UNC5D: variants seen among roughly 807,000 people sequenced by gnomAD.
UNC5D encodes netrin receptor UNC5D.
Under a neutral mutation model 105.4 loss-of-function variants are expected in UNC5D, and 39 were observed. That is an observed-to-expected ratio of 0.37 (90% CI 0.29 to 0.48). UNC5D has a LOEUF of 0.48. Among genes scored for constraint, UNC5D ranks in the 20% least tolerant of loss-of-function variants. UNC5D has a pLI of 0.98. For synonymous variants in UNC5D, 452 were observed against 450.4 expected, an observed-to-expected ratio of 1.00 and a Z score of -0.04; for missense variants, 991 against 1,202.4, an observed-to-expected ratio of 0.82 and a Z score of 2.60.
chr8:35,346,184 A>G (rs1811796714), intron 1 of UNC5D, among the ~76,000 whole-genome samples: 1 of 151,986 alleles, frequency 6.6e-6, no homozygotes, highest in Non-Finnish European at 1.5e-5. Context: ...TATCATGATT[A>G]TTTAAACAGT....
At chr8:35,559,111 C>A (rs1816775852) in intron 2 of UNC5D, among the ~76,000 whole-genome samples, 2 of 151,906 alleles carry the variant, frequency 1.3e-5, no homozygotes, top group Non-Finnish European at 2.9e-5. Flanking sequence ...ACTTTGTCTA[C>A]AAAAAATGGA....
At chr8:35,394,899 G>A (rs1171174766) in intron 1 of UNC5D, among the ~76,000 whole-genome samples, 2 of 152,192 alleles carry the variant, frequency 1.3e-5, no homozygotes, top group East Asian at 3.8e-4. Flanking sequence ...AATGGAAATA[G>A]TGTTTCATAC....
chr8:35,713,953 G>T (rs1317227902), intron 8 of UNC5D, among the ~76,000 whole-genome samples: 1 of 152,252 alleles, frequency 6.6e-6, no homozygotes. Flanking sequence ...TCCACCCAGA[G>T]TGGATCCAGT....
At chr8:35,464,044 C>T (rs890825457) in intron 1 of UNC5D, among the ~76,000 whole-genome samples, 16 of 152,016 alleles carry the variant, frequency 1.1e-4, no homozygotes, top group Admixed American at 6.6e-4. Context: ...AGAAAACAGT[C>T]GGCCAGGCGC....
intron 13 of UNC5D, among the ~76,000 whole-genome samples, chr8:35,754,477 G>A (rs1031569723): frequency 2.0e-5 from 3 of 152,154 alleles, no homozygotes; most frequent in African/African-American, 7.2e-5. Context: ...GGTTAAGTGC[G>A]GGGTTGCATC....
chr8:35,322,397 T>C (rs1399771800), intron 1 of UNC5D, among the ~76,000 whole-genome samples: 1 of 152,090 alleles, frequency 6.6e-6, no homozygotes, highest in Admixed American at 6.6e-5. Flanking sequence ...TCTCCTAAGT[T>C]GAAAAACACA....
At chr8:35,704,470 G>T (rs1232138689) in intron 7 of UNC5D, among the ~76,000 whole-genome samples, 1 of 152,182 alleles carries the variant, frequency 6.6e-6, no homozygotes, top group African/African-American at 2.4e-5. Flanking sequence ...TACCGTACAG[G>T]ATTTGCTTCA....
intron 13 of UNC5D, among the ~76,000 whole-genome samples, chr8:35,758,379 G>A (rs918583679): frequency 6.6e-6 from 1 of 152,010 alleles, no homozygotes; most frequent in African/African-American, 2.4e-5. Flanking sequence ...GAGATTATAG[G>A]ACATAAAGGA....
intron 1 of UNC5D, among the ~76,000 whole-genome samples, chr8:35,538,500 T>A (rs1395698388): frequency 6.9e-6 from 1 of 145,278 alleles, no homozygotes; most frequent in African/African-American, 2.5e-5. Context: ...AAAGACAGAA[T>A]GACATGTTTG....
intron 1 of UNC5D, among the ~76,000 whole-genome samples, chr8:35,418,321 C>T (rs576312666): frequency 1.2e-4 from 18 of 152,226 alleles, no homozygotes; most frequent in African/African-American, 3.4e-4. Flanking sequence ...TGTTCCCTTG[C>T]GGATCTAGAG....
chr8:35,423,763 A>C (rs1294825665), intron 1 of UNC5D, among the ~76,000 whole-genome samples: 1 of 152,206 alleles, frequency 6.6e-6, no homozygotes, highest in Non-Finnish European at 1.5e-5. Flanking sequence ...GACTGCCCTT[A>C]AATTGAAACT....
At chr8:35,471,755 A>G (rs1349714206) in intron 1 of UNC5D, among the ~76,000 whole-genome samples, 1 of 152,170 alleles carries the variant, frequency 6.6e-6, no homozygotes, top group Non-Finnish European at 1.5e-5. Flanking sequence ...TTAATGAATT[A>G]CACAAACGCA....
chr8:35,246,987 T>C (rs1191905170), intron 1 of UNC5D, among the ~76,000 whole-genome samples: 1 of 152,076 alleles, frequency 6.6e-6, no homozygotes. Flanking sequence ...AAGTCCAAAT[T>C]TGTACATGAG....
At chr8:35,608,609 C>A (rs1456306894) in intron 4 of UNC5D, among the ~76,000 whole-genome samples, 1 of 152,192 alleles carries the variant, frequency 6.6e-6, no homozygotes, top group Admixed American at 6.5e-5. Context: ...CCTCACCCTG[C>A]ATCATCTCCA....
In UNC5D at chr8:35,774,434, G is replaced by A; in HGVS notation, c.2614G>A (p.Gly872Ser). 1 of 1,614,082 alleles carries A rather than the reference G, an allele frequency of 6.2e-7. No individual in the cohort carries two copies. Among genetic ancestry groups the A allele is most frequent in the South Asian group, 1.1e-5 (1 of 91,084 alleles). Residue 872 changes from glycine to serine, a missense_variant, in exon 16 of 17, where the codon GGC becomes AGC. This residue lies in a region of UNC5D where 944 missense variants were observed against 1,131.6 expected (regional missense o/e 0.83). Transcript: ENST00000404895. ...TACATTTGATACCCCCAATGCCAAA[G>A]GCAAGGACTGGCAGATGTTAGCACA... ...CATFDTPNAK[G>S]KDWQMLAQKN...
intron 4 of UNC5D, among the ~76,000 whole-genome samples, chr8:35,655,357 A>G (rs1823661711): frequency 6.6e-6 from 1 of 152,304 alleles, no homozygotes; most frequent in East Asian, 1.9e-4. Flanking sequence ...TCAACTCACG[A>G]CGCTAGGTAG....
chr8:35,308,872 AT>A (rs1296639240), intron 1 of UNC5D, among the ~76,000 whole-genome samples: 1 of 152,196 alleles, frequency 6.6e-6, no homozygotes, highest in African/African-American at 2.4e-5. Context: ...AATTATGATT[AT>A]TCCATGCCAT....
intron 1 of UNC5D, among the ~76,000 whole-genome samples, chr8:35,434,401 G>C (rs1390339064): frequency 6.6e-6 from 1 of 151,892 alleles, no homozygotes; most frequent in Non-Finnish European, 1.5e-5. Context: ...GGAAATTAAA[G>C]TAAGTAATTT....
chr8:35,273,510 C>A (rs1325349326), intron 1 of UNC5D, among the ~76,000 whole-genome samples: 1 of 152,196 alleles, frequency 6.6e-6, no homozygotes, highest in Non-Finnish European at 1.5e-5. Context: ...GGAATAAAAA[C>A]TTCCCTCTGT....
Sources: gnomAD v4.1 joint callset for allele counts (sites outside exome capture counted in the v4.1 genomes callset) on GRCh38, gnomAD v4.1.1 for gene constraint, gnomAD v4.1.1 regional missense constraint, MANE v1.5 for transcripts, NCBI Gene and HGNC (gene_info 2026-07-23, HGNC 2026-07-21) for gene names.